Variants in CSMD1 observed in about 807,000 individuals in gnomAD.
CSMD1 encodes the protein CUB and sushi domain-containing protein 1.
In CSMD1, 213 loss-of-function variants were observed where a neutral mutation model predicts 417.5. That is an observed-to-expected ratio of 0.51 (90% CI 0.46 to 0.57). CSMD1 has a LOEUF of 0.57. CSMD1 is among the 20% of genes least tolerant of loss of function. CSMD1 has a pLI of 0.00. For missense variants in CSMD1, 6,923 were observed against 4,529.7 expected (o/e 1.53, Z -15.17); for synonymous variants, 2,862 against 1,736.8 (o/e 1.65, Z -16.11).
At chr8:3,584,916 C>T (rs1029710636) in intron 9 of CSMD1, among the ~76,000 whole-genome samples, 4 of 152,048 alleles carry the variant, frequency 2.6e-5, no homozygotes, top group African/African-American at 9.7e-5. Flanking sequence ...GCTTAAGGGT[C>T]TTATGTTAGA....
intron 1 of CSMD1, among the ~76,000 whole-genome samples, chr8:4,837,859 T>G (rs1202329753): frequency 2.0e-5 from 3 of 151,988 alleles, no homozygotes; most frequent in African/African-American, 4.8e-5. Context: ...AAACATTTCA[T>G]GTACCCCATA....
At chr8:4,252,220 G>A (rs1270099201) in intron 3 of CSMD1, among the ~76,000 whole-genome samples, 2 of 152,170 alleles carry the variant, frequency 1.3e-5, no homozygotes, top group African/African-American at 4.8e-5. Flanking sequence ...AAGGTAAACA[G>A]GCATAGACGT....
At chr8:4,525,500 G>C (rs1391256888) in intron 2 of CSMD1, among the ~76,000 whole-genome samples, 3 of 152,152 alleles carry the variant, frequency 2.0e-5, no homozygotes, top group Non-Finnish European at 2.9e-5. Flanking sequence ...GAGCAATTTA[G>C]CGCCATTCCT....
At chr8:3,300,727 C>T (rs575707107) in intron 25 of CSMD1, among the ~76,000 whole-genome samples, 43 of 151,810 alleles carry the variant, frequency 2.8e-4, no homozygotes, top group Non-Finnish European at 5.4e-4. Flanking sequence ...GAGGACGAGG[C>T]GGGCAGATCA....
chr8:3,779,118 TAAATA>T (rs1336012136), intron 5 of CSMD1, among the ~76,000 whole-genome samples: 9 of 151,788 alleles, frequency 5.9e-5, no homozygotes, highest in African/African-American at 1.5e-4. Flanking sequence ...ATTTTTCAGA[TAAATA>T]AAATATTTTC....
chr8:3,963,452 A>C (rs1279918783), intron 5 of CSMD1, among the ~76,000 whole-genome samples: 1 of 152,184 alleles, frequency 6.6e-6, no homozygotes, highest in Non-Finnish European at 1.5e-5. Context: ...GTCCAACTTA[A>C]GGTGAATGAA....
At chr8:3,682,347 A>C (rs549415015) in intron 7 of CSMD1, among the ~76,000 whole-genome samples, 25 of 152,300 alleles carry the variant, frequency 1.6e-4, no homozygotes, top group African/African-American at 6.0e-4. Flanking sequence ...ATTTACAAGA[A>C]AAAAACAAGC....
At chr8:4,949,858 G>A (rs551804097) in intron 1 of CSMD1, among the ~76,000 whole-genome samples, 1 of 152,076 alleles carries the variant, frequency 6.6e-6, no homozygotes, top group South Asian at 2.1e-4. Flanking sequence ...AATATATAAG[G>A]TTAGTTCAAA....
intron 1 of CSMD1, among the ~76,000 whole-genome samples, chr8:4,778,131 T>C (rs935798917): frequency 6.6e-6 from 1 of 152,170 alleles, no homozygotes; most frequent in Admixed American, 6.5e-5. Context: ...AGTTTATGTA[T>C]AAATTAATAT....
At chr8:3,955,841 C>T (rs1811903631) in intron 5 of CSMD1, among the ~76,000 whole-genome samples, 1 of 152,208 alleles carries the variant, frequency 6.6e-6, no homozygotes, top group South Asian at 2.1e-4. Flanking sequence ...TGCCCCCTGC[C>T]ACACTGAGAT....
chr8:3,664,447 G>A (rs1041468357), intron 7 of CSMD1, among the ~76,000 whole-genome samples: 6 of 152,176 alleles, frequency 3.9e-5, no homozygotes, highest in South Asian at 2.1e-4. Context: ...GGGCAAAATG[G>A]AAATTGCTCA....
At chr8:3,136,431 G>A (rs924295618) in intron 41 of CSMD1, among the ~76,000 whole-genome samples, 2 of 151,688 alleles carry the variant, frequency 1.3e-5, no homozygotes, top group Non-Finnish European at 2.9e-5. Context: ...TGCCCAGCTA[G>A]TATTTGTATT....
At chr8:3,969,466 C>G (rs1304768326) in intron 5 of CSMD1, among the ~76,000 whole-genome samples, 8 of 152,106 alleles carry the variant, frequency 5.3e-5, no homozygotes, top group Non-Finnish European at 1.0e-4. Context: ...GTTTAAGATC[C>G]TGGTCTATAA....
chr8:3,856,530 A>C (rs1269040169), intron 5 of CSMD1, among the ~76,000 whole-genome samples: 1 of 152,200 alleles, frequency 6.6e-6, no homozygotes, highest in African/African-American at 2.4e-5. Context: ...TCACGTAATA[A>C]ATGCAACGAC....
At chr8:4,867,516 T>A (rs1802486157) in intron 1 of CSMD1, among the ~76,000 whole-genome samples, 1 of 152,104 alleles carries the variant, frequency 6.6e-6, no homozygotes, top group Admixed American at 6.5e-5. Context: ...ACCTCGGATA[T>A]AATTTTTTTT....
At chr8:3,094,522 G>A (rs1004086483) in intron 47 of CSMD1, among the ~76,000 whole-genome samples, 1 of 152,046 alleles carries the variant, frequency 6.6e-6, no homozygotes, top group South Asian at 2.1e-4. Context: ...TATTCAAACT[G>A]GCATGTGCAG....
At chr8:3,866,012 A>C (rs529280002) in intron 5 of CSMD1, among the ~76,000 whole-genome samples, 12 of 152,316 alleles carry the variant, frequency 7.9e-5, no homozygotes, top group African/African-American at 2.9e-4. Flanking sequence ...TGTTAGTGAG[A>C]TAAATCGCCA....
Position 4,171,954 on chromosome 8 carries a change from G to C in CSMD1, c.416-139855C>G, listed in dbSNP as rs1360828141. On this transcript the variant is annotated intron_variant, in intron 3 of 69. Transcript: ENST00000635120. ...TACTCTAGATTTTGTGTTCTTTCTTGCATAATGTAATAATCAGCATCCTTC... is the reference window on the plus strand; with the variant it reads ...TACTCTAGATTTTGTGTTCTTTCTTCCATAATGTAATAATCAGCATCCTTC... Among the ~76,000 whole-genome samples, 4 of 152,032 alleles carry C rather than the reference G, an allele frequency of 2.6e-5. No homozygotes were observed. In the East Asian group the frequency reaches 7.7e-4, roughly 29 times the overall value.
At chr8:4,829,012 TATTA>T (rs1198635661) in intron 1 of CSMD1, among the ~76,000 whole-genome samples, 1 of 152,190 alleles carries the variant, frequency 6.6e-6, no homozygotes, top group Non-Finnish European at 1.5e-5. Context: ...TAATTATTAT[TATTA>T]GAGATACATT....
Sources: allele counts gnomAD v4.1 joint callset (sites outside exome capture counted in the v4.1 genomes callset), GRCh38; gene constraint gnomAD v4.1.1; transcripts MANE v1.5; gene names NCBI Gene and HGNC (gene_info 2026-07-23, HGNC 2026-07-21).